Variants in SEMA3A observed in about 807,000 individuals in gnomAD.
The protein encoded by SEMA3A is semaphorin 3A.
SEMA3A carries 29 observed loss-of-function variants against 97.9 expected under a neutral mutation model. That is an observed-to-expected ratio of 0.30 (90% CI 0.22 to 0.40). The LOEUF (loss-of-function observed/expected upper bound fraction) is 0.40. Ranked by LOEUF, SEMA3A falls within the 10% of genes least tolerant of loss-of-function variation. SEMA3A has a pLI of 1.00. For synonymous variants in SEMA3A, 321 were observed against 323.7 expected (o/e 0.99, Z 0.09); for missense variants, 763 against 951.3 (o/e 0.80, Z 2.60).
At chr7:84,125,674 C>T (rs1219405543) in intron 3 of SEMA3A, among the ~76,000 whole-genome samples, 1 of 152,076 alleles carries the variant, frequency 6.6e-6, no homozygotes, top group Non-Finnish European at 1.5e-5. Flanking sequence ...CCGCAAGAAT[C>T]CCTTAGTTTT....
intron 1 of SEMA3A, among the ~76,000 whole-genome samples, chr7:84,463,540 G>A (rs1306775866): frequency 6.6e-6 from 1 of 152,024 alleles, no homozygotes; most frequent in African/African-American, 2.4e-5. Flanking sequence ...GAGCCACCGC[G>A]CCTGGCGTTT....
At chr7:84,429,516 T>TATATATATATATATATATATA (rs1554385262) in intron 1 of SEMA3A, among the ~76,000 whole-genome samples, 1 of 72,390 alleles carries the variant, frequency 1.4e-5, no homozygotes, top group African/African-American at 7.1e-5. Context: ...ATAGAGTTTG[T>TATATATATATATATATATATA]TATATATATA....
At chr7:84,140,337 A>G (rs1159614544) in intron 1 of SEMA3A, among the ~76,000 whole-genome samples, 3 of 152,186 alleles carry the variant, frequency 2.0e-5, no homozygotes, top group South Asian at 2.1e-4. Flanking sequence ...AAGAGTGCCC[A>G]GAACTAGACT....
At chr7:84,424,888 A>C (rs1584314886) in intron 1 of SEMA3A, among the ~76,000 whole-genome samples, 1 of 84,498 alleles carries the variant, frequency 1.2e-5, no homozygotes, top group East Asian at 5.1e-4. Flanking sequence ...AATATTATAT[A>C]TAAATAATTT....
chr7:84,174,837 CTG>C (rs1385230834), intron 1 of SEMA3A, among the ~76,000 whole-genome samples: 1 of 151,920 alleles, frequency 6.6e-6, no homozygotes, highest in African/African-American at 2.4e-5. Flanking sequence ...AGGTGTTGTT[CTG>C]TGTTTTAAGT....
At chr7:84,403,668 C>T (rs564483537) in intron 1 of SEMA3A, among the ~76,000 whole-genome samples, 47 of 152,278 alleles carry the variant, frequency 3.1e-4, no homozygotes, top group Middle Eastern at 6.8e-3. Context: ...TGACACCTCA[C>T]ACAGCCGGGT....
intron 2 of SEMA3A, among the ~76,000 whole-genome samples, chr7:84,347,840 G>C (rs945702210): frequency 5.3e-5 from 8 of 152,168 alleles, no homozygotes; most frequent in African/African-American, 1.7e-4. Context: ...GCAGTAGCCA[G>C]AGATGAGATG....
chr7:84,439,833 G>A (rs1487085792), intron 1 of SEMA3A, among the ~76,000 whole-genome samples: 2 of 152,054 alleles, frequency 1.3e-5, no homozygotes, highest in Non-Finnish European at 2.9e-5. Context: ...AATACATAAT[G>A]AATTATTAAA....
At chr7:84,326,478 T>C (rs1801778061) in intron 2 of SEMA3A, among the ~76,000 whole-genome samples, 1 of 152,074 alleles carries the variant, frequency 6.6e-6, no homozygotes, top group Non-Finnish European at 1.5e-5. Flanking sequence ...ACAGAAAAGA[T>C]ACAGAATGAT....
chr7:84,134,989 G>T (rs1390488080), intron 1 of SEMA3A, 38 bp from the exon 2 acceptor site: 1 of 1,578,708 alleles, frequency 6.3e-7, no homozygotes, highest in Non-Finnish European at 8.7e-7. Context: ...GTATTAATGT[G>T]AAGCACTATA....
chr7:84,348,118 C>A (rs1356675959), intron 2 of SEMA3A, among the ~76,000 whole-genome samples: 1 of 152,048 alleles, frequency 6.6e-6, no homozygotes, highest in African/African-American at 2.4e-5. Flanking sequence ...CAAAAAATGT[C>A]TCTTTTAAAA....
chr7:84,001,182 C>T (rs1790433045), intron 12 of SEMA3A, among the ~76,000 whole-genome samples: 1 of 151,898 alleles, frequency 6.6e-6, no homozygotes, highest in South Asian at 2.1e-4. Flanking sequence ...TGTCATTAAT[C>T]ATTTCAAGGT....
intron 3 of SEMA3A, among the ~76,000 whole-genome samples, chr7:84,229,157 T>C (rs1166913172): frequency 6.6e-6 from 1 of 151,966 alleles, no homozygotes; most frequent in Non-Finnish European, 1.5e-5. Flanking sequence ...TGGACTAAAT[T>C]TGGCAAAAAA....
intron 2 of SEMA3A, among the ~76,000 whole-genome samples, chr7:84,363,773 A>G (rs1403923304): frequency 6.6e-6 from 1 of 151,894 alleles, no homozygotes; most frequent in Non-Finnish European, 1.5e-5. Context: ...GTCTAGGCCA[A>G]TCTTTCTCAT....
At chr7:84,080,559 C>CTT (rs1050053968) in intron 4 of SEMA3A, among the ~76,000 whole-genome samples, 7 of 11,902 alleles carry the variant, frequency 5.9e-4, no homozygotes, top group Non-Finnish European at 8.3e-4. Context: ...GCTTATAATT[C>CTT]TTTTTTTTTT....
intron 2 of SEMA3A, among the ~76,000 whole-genome samples, chr7:84,364,209 A>T (rs1327752364): frequency 6.6e-6 from 1 of 151,728 alleles, no homozygotes; most frequent in Non-Finnish European, 1.5e-5. Flanking sequence ...TAGGAACCTC[A>T]GTGATTTTTT....
intron 3 of SEMA3A, among the ~76,000 whole-genome samples, chr7:84,123,837 G>C (rs1036316177): frequency 6.6e-6 from 1 of 151,116 alleles, no homozygotes; most frequent in Non-Finnish European, 1.5e-5. Context: ...GAGAGAGAGA[G>C]AGAGCAAGAG....
At chr7:84,400,018 G>A (rs1265927607) in intron 1 of SEMA3A, among the ~76,000 whole-genome samples, 2 of 152,166 alleles carry the variant, frequency 1.3e-5, no homozygotes, top group Non-Finnish European at 2.9e-5. Flanking sequence ...TCTTCCTTAT[G>A]CCCATCAGGG....
intron 15 of SEMA3A, among the ~76,000 whole-genome samples, chr7:83,974,585 C>T (rs2116296598): frequency 6.6e-6 from 1 of 152,244 alleles, no homozygotes; most frequent in East Asian, 1.9e-4. Flanking sequence ...AGACAACATA[C>T]ATGATTTAGT....
Sources: gnomAD v4.1 joint callset for allele counts (sites outside exome capture counted in the v4.1 genomes callset) on GRCh38, gnomAD v4.1.1 for gene constraint, MANE v1.5 for transcripts, NCBI Gene and HGNC (gene_info 2026-07-23, HGNC 2026-07-21) for gene names.